Variants in ZNF609 observed in about 807,000 individuals in gnomAD.
The protein encoded by ZNF609 is zinc finger protein 609.
Under a neutral mutation model 109.5 loss-of-function variants are expected in ZNF609, and 11 were observed. The observed-to-expected ratio is 0.10, with a 90% CI of 0.06 to 0.17. The LOEUF (loss-of-function observed/expected upper bound fraction) is 0.17. Ranked by LOEUF, ZNF609 falls within the 10% of genes least tolerant of loss-of-function variation. The pLI, the probability that ZNF609 is intolerant of heterozygous loss-of-function variation, is 1.00. For synonymous variants in ZNF609, 646 were observed against 662.0 expected, an observed-to-expected ratio of 0.98 and a Z score of 0.37; for missense variants, 1,559 against 1,772.4, an observed-to-expected ratio of 0.88 and a Z score of 2.16.
intron 2 of ZNF609, among the ~76,000 whole-genome samples, chr15:64,610,139 G>C (rs1895693915): frequency 6.6e-6 from 1 of 152,154 alleles, no homozygotes; most frequent in South Asian, 2.1e-4. Flanking sequence ...GAGTTCGAGA[G>C]CAGCTTAGGC....
At chr15:64,653,345 T>C (rs755831847) in intron 3 of ZNF609, among the ~76,000 whole-genome samples, 17 of 152,198 alleles carry the variant, frequency 1.1e-4, no homozygotes, top group Non-Finnish European at 2.1e-4. Flanking sequence ...TCATTCTAGA[T>C]TATAAACTTC....
chr15:64,484,085 A>G (rs1301005807), intron 1 of ZNF609, among the ~76,000 whole-genome samples: 1 of 151,422 alleles, frequency 6.6e-6, no homozygotes, highest in Non-Finnish European at 1.5e-5. Flanking sequence ...CATTGCCTCC[A>G]AAGACCATCT....
rs1567048433 is a variant in ZNF609, at chr15:64,685,246, C to A, written c.*3560C>A. 1 of 152,172 alleles carries A rather than the reference C, an allele frequency of 6.6e-6. No homozygotes were observed. The highest frequency in any genetic ancestry group is 2.4e-5 in the African/African-American group (1 of 41,362). The allele number at this position is 152,172 out of a possible 1,614,324, so 9.4% of individuals were successfully genotyped here. On this transcript the variant is annotated 3_prime_UTR_variant, in exon 10 of 10. Transcript: ENST00000326648. ...ATTCAGGCAAGAAGAGAAAATAAAT[C>A]TTTTTAAGAGACAATCACAAATCTG...
At chr15:64,625,926 TATATATATATAGAGAGAGAGAGAG>T (rs1260164235) in intron 3 of ZNF609, among the ~76,000 whole-genome samples, 11 of 72,772 alleles carry the variant, frequency 1.5e-4, no homozygotes, top group African/African-American at 2.7e-4. Context: ...TATATATATA[TATATATATATAGAGAGAGAGAGAG>T]AGAGAGAGAG....
chr15:64,471,112 C>T (rs1017496511), intron 1 of ZNF609, among the ~76,000 whole-genome samples: 12 of 151,940 alleles, frequency 7.9e-5, no homozygotes, highest in Admixed American at 5.9e-4. Context: ...CTGTAATTCC[C>T]GCACTTTGAG....
intron 3 of ZNF609, among the ~76,000 whole-genome samples, chr15:64,638,149 A>G (rs934650349): frequency 2.0e-5 from 3 of 151,220 alleles, no homozygotes; most frequent in East Asian, 3.9e-4. Flanking sequence ...TTGGCCCAGC[A>G]CCTTATCAAA....
chr15:64,675,623 C>T lies in ZNF609; in HGVS notation c.2769C>T (p.Ala923=), dbSNP rs758825753. The change falls in exon 5 of 10, where the codon GCC becomes GCT. Residue 923 remains alanine, a synonymous_variant. Transcript: ENST00000326648. ...GCCAGGCAGGAGTGGAGAGCCAGGC[C>T]CTGAAGACAAAAAGGGATGAGGAAC... ...PSSQAGVESQ[A]LKTKRDEEPE... 5.6e-6 allele frequency: 9 copies of T among 1,613,838 alleles called. No homozygotes were observed. The South Asian group carries it at 9.9e-5, about 18-fold the overall frequency.
At chr15:64,611,680 AAAATC>A (rs1193160956) in intron 2 of ZNF609, among the ~76,000 whole-genome samples, 1 of 152,168 alleles carries the variant, frequency 6.6e-6, no homozygotes, top group Non-Finnish European at 1.5e-5. Context: ...AAAACAAACA[AAAATC>A]AAAAGAGAAA....
At chr15:64,555,835 C>G (rs1433143143) in intron 2 of ZNF609, among the ~76,000 whole-genome samples, 1 of 135,006 alleles carries the variant, frequency 7.4e-6, no homozygotes, top group Non-Finnish European at 1.5e-5. Flanking sequence ...TGCAGTGAGC[C>G]GAGATTGGGC....
At chr15:64,627,663 C>CTTTTTTTTTTTTTTTTT (rs35293725) in intron 3 of ZNF609, among the ~76,000 whole-genome samples, 6 of 86,014 alleles carry the variant, frequency 7.0e-5, no homozygotes, top group East Asian at 4.0e-4. Context: ...TTTTTTCTTT[C>CTTTTTTTTTTTTTTTTT]TTTTTTTTTT....
At position 64,644,981 on chromosome 15, in the gene ZNF609, TTTTCTTTC is replaced by T. The variant is rs147608283; in HGVS notation, c.973+21952_973+21959del. Reference sequence around the variant, plus strand: ...TTCTTTTCTTTTCTTCTTTCTTTCTTTTTCTTTCTTTCTTTCTTTCTTTCTTTCTTCCT... The same window carrying T: ...TTCTTTTCTTTTCTTCTTTCTTTCTTTTTCTTTCTTTCTTTCTTTCTTCCT... On this transcript the variant is annotated intron_variant, in intron 3 of 9. Transcript: ENST00000326648. Among the ~76,000 whole-genome samples the T allele has an allele frequency of 6.6e-3, 918 of 139,638 alleles. 9 individuals carry two copies. Among genetic ancestry groups the T allele is most frequent in the Non-Finnish European group, 8.0e-3 (537 of 67,034 alleles). 91.6% of individuals were successfully genotyped at this position (139,638 alleles called of 152,430 possible).
intron 3 of ZNF609, among the ~76,000 whole-genome samples, chr15:64,643,184 C>T (rs57789452): frequency 0.046 from 7,043 of 152,230 alleles, 545 homozygotes; most frequent in African/African-American, 0.16. Flanking sequence ...CCATACCAGC[C>T]TTCCTCACAG....
intron 2 of ZNF609, chr15:64,529,341 G>GC: frequency 1.4e-6 from 1 of 727,910 alleles, no homozygotes; most frequent in Non-Finnish European, 2.5e-6. Flanking sequence ...CTGCAAGTGA[G>GC]CCCCAGCCTT....
intron 2 of ZNF609, among the ~76,000 whole-genome samples, chr15:64,582,861 C>T (rs542653749): frequency 4.7e-4 from 69 of 146,764 alleles, no homozygotes; most frequent in African/African-American, 1.6e-3. Flanking sequence ...ATGCCATTCT[C>T]CTGCCTCAGC....
intron 1 of ZNF609, among the ~76,000 whole-genome samples, chr15:64,493,970 T>G (rs1192588870): frequency 6.6e-6 from 1 of 152,234 alleles, no homozygotes; most frequent in African/African-American, 2.4e-5. Flanking sequence ...TGAAGAATCC[T>G]TGGCAATTTT....
At chr15:64,520,417 A>T (rs1893876219) in intron 2 of ZNF609, among the ~76,000 whole-genome samples, 1 of 152,192 alleles carries the variant, frequency 6.6e-6, no homozygotes, top group African/African-American at 2.4e-5. Flanking sequence ...TGCTATTTAC[A>T]TAACTGTGTG....
At chr15:64,518,428 T>C (rs1893845506) in intron 2 of ZNF609, among the ~76,000 whole-genome samples, 1 of 152,144 alleles carries the variant, frequency 6.6e-6, no homozygotes, top group African/African-American at 2.4e-5. Flanking sequence ...AGGAATAGAA[T>C]GGTAAGATGA....
intron 2 of ZNF609, among the ~76,000 whole-genome samples, chr15:64,581,873 A>G (rs144222951): frequency 6.6e-6 from 1 of 152,240 alleles, no homozygotes; most frequent in African/African-American, 2.4e-5. Flanking sequence ...TTTTATGGAG[A>G]AGAGAATTTT....
chr15:64,548,090 G>T (rs1894397859), intron 2 of ZNF609, among the ~76,000 whole-genome samples: 2 of 152,096 alleles, frequency 1.3e-5, no homozygotes, highest in Admixed American at 1.3e-4. Flanking sequence ...TGTCTAATTT[G>T]CAAGGAATTT....
Sources: allele counts gnomAD v4.1 joint callset (sites outside exome capture counted in the v4.1 genomes callset), GRCh38; gene constraint gnomAD v4.1.1; transcripts MANE v1.5; gene names NCBI Gene and HGNC (gene_info 2026-07-23, HGNC 2026-07-21).